HECW1: variants seen among roughly 807,000 people sequenced by gnomAD.
HECW1 encodes HECT, C2 and WW domain containing E3 ubiquitin protein ligase 1, also known as E3 ubiquitin-protein ligase HECW1.
A neutral mutation model predicts 182.3 loss-of-function variants in HECW1; 61 were observed. The ratio of observed to expected loss-of-function variants is 0.33; its 90% CI spans 0.27 to 0.41. The LOEUF (loss-of-function observed/expected upper bound fraction) is 0.41. Ranked by LOEUF, HECW1 falls within the 10% of genes least tolerant of loss-of-function variation. HECW1 has a pLI of 1.00. For missense variants in HECW1, 1,739 were observed against 2,108.9 expected (o/e 0.82, Z 3.44); for synonymous variants, 859 against 832.6 (o/e 1.03, Z -0.55).
chr7:43,473,106 T>G (rs879626059), intron 16 of HECW1, among the ~76,000 whole-genome samples: 14 of 152,152 alleles, frequency 9.2e-5, no homozygotes, highest in Non-Finnish European at 1.5e-4. Context: ...CTCACCTTAT[T>G]AGTTCCCTCT....
chr7:43,274,537 C>T (rs150413563), intron 3 of HECW1: 5 of 562,106 alleles, frequency 8.9e-6, no homozygotes, highest in African/African-American at 1.9e-5. Context: ...CAACAAGTGC[C>T]GCCGGGCCAC....
chr7:43,447,528 A>G (rs1652548475), intron 11 of HECW1, among the ~76,000 whole-genome samples: 1 of 152,200 alleles, frequency 6.6e-6, no homozygotes, highest in African/African-American at 2.4e-5. Context: ...TGGCGATCAC[A>G]AGGGGAAATA....
chr7:43,556,343 G>A (rs11982126), intron 29 of HECW1, among the ~76,000 whole-genome samples: 2,156 of 152,310 alleles, frequency 0.014, 62 homozygotes, highest in African/African-American at 0.049. Flanking sequence ...GATGCCCGGA[G>A]CAACATCACA....
chr7:43,245,108 C>T (rs1224890312), intron 3 of HECW1, among the ~76,000 whole-genome samples: 3 of 152,208 alleles, frequency 2.0e-5, no homozygotes, highest in African/African-American at 7.2e-5. Flanking sequence ...AATACTTAAT[C>T]CTGTGCTGCC....
At chr7:43,113,600 A>G (rs1226798343) in intron 1 of HECW1, 3 of 176,010 alleles carry the variant, frequency 1.7e-5, no homozygotes, top group Non-Finnish European at 3.6e-5. Context: ...CCTGAGTTTT[A>G]GCGGGAGCAG....
intron 2 of HECW1, among the ~76,000 whole-genome samples, chr7:43,138,048 A>C (rs903157301): frequency 6.6e-6 from 1 of 151,600 alleles, no homozygotes; most frequent in African/African-American, 2.4e-5. Context: ...TCTCTCATTT[A>C]TGTGTGTGAT....
intron 3 of HECW1, among the ~76,000 whole-genome samples, chr7:43,291,502 A>G (rs979898994): frequency 2.6e-5 from 4 of 152,266 alleles, no homozygotes; most frequent in Non-Finnish European, 4.4e-5. Flanking sequence ...GTACAAGGAC[A>G]TAGAATGTAC....
At chr7:43,366,220 A>G (rs1427376615) in intron 6 of HECW1, among the ~76,000 whole-genome samples, 1 of 152,180 alleles carries the variant, frequency 6.6e-6, no homozygotes, top group East Asian at 1.9e-4. Flanking sequence ...ATTCTCTTAA[A>G]AAAAAAGGCA....
rs73101386 is a variant in HECW1 at position 43,405,730 on chromosome 7, C to T, written c.632-1832C>T. 1.6e-3 allele frequency among the ~76,000 whole-genome samples: 237 copies of T among 152,308 alleles called. 1 individual carries two copies. The highest frequency in any genetic ancestry group is 2.6e-3 in the Admixed American group (40 of 15,300). On this transcript the variant is annotated intron_variant, in intron 7 of 29. Coordinates refer to ENST00000395891, the MANE Select transcript of HECW1 (RefSeq NM_015052.5). ...AACACTTTAGGCACAGTGAGCCACTCGTACCCGTTCTGGGAAGGTAGGAGC... is the reference window on the plus strand; with the variant it reads ...AACACTTTAGGCACAGTGAGCCACTTGTACCCGTTCTGGGAAGGTAGGAGC...
intron 2 of HECW1, among the ~76,000 whole-genome samples, chr7:43,220,393 A>G (rs1796840564): frequency 1.3e-5 from 2 of 152,170 alleles, no homozygotes; most frequent in African/African-American, 4.8e-5. Context: ...GGAGTTTCAT[A>G]TGAAGGCACA....
chr7:43,514,392 A>T (rs10274221), intron 24 of HECW1, among the ~76,000 whole-genome samples: 1 of 150,882 alleles, frequency 6.6e-6, no homozygotes, highest in Non-Finnish European at 1.5e-5. Flanking sequence ...TGGTTCAAGC[A>T]AGTCTCCTGC....
At chr7:43,233,502 C>A (rs999474891) in intron 2 of HECW1, among the ~76,000 whole-genome samples, 1 of 152,168 alleles carries the variant, frequency 6.6e-6, no homozygotes, top group African/African-American at 2.4e-5. Context: ...GGTGGTGGTG[C>A]AGTCCATTTA....
intron 20 of HECW1, 106 bp downstream of exon 20, chr7:43,500,888 C>T (rs1168916100): frequency 7.8e-6 from 7 of 900,422 alleles, no homozygotes; most frequent in African/African-American, 6.6e-5. Flanking sequence ...ACCGCTTGTT[C>T]TAGAGGATTC....
intron 2 of HECW1, among the ~76,000 whole-genome samples, chr7:43,165,498 A>G (rs1208719271): frequency 1.3e-5 from 2 of 152,194 alleles, no homozygotes; most frequent in African/African-American, 4.8e-5. Flanking sequence ...TCAATCAATT[A>G]TCCGTGAAGG....
chr7:43,175,277 A>G (rs1318597067), intron 2 of HECW1, among the ~76,000 whole-genome samples: 2 of 152,214 alleles, frequency 1.3e-5, no homozygotes, highest in African/African-American at 4.8e-5. Context: ...GAGAACATTC[A>G]GAATCCACTC....
chr7:43,258,075 C>CA (rs544091470), intron 3 of HECW1, among the ~76,000 whole-genome samples: 226 of 152,254 alleles, frequency 1.5e-3, no homozygotes, highest in African/African-American at 5.2e-3. Flanking sequence ...CGTGGTGGCT[C>CA]ACGCCTGTAA....
intron 2 of HECW1, among the ~76,000 whole-genome samples, chr7:43,209,509 A>G (rs1050870989): frequency 6.6e-6 from 1 of 152,088 alleles, no homozygotes; most frequent in African/African-American, 2.4e-5. Flanking sequence ...AGCACTGTCA[A>G]ATTTACAAGA....
intron 2 of HECW1, among the ~76,000 whole-genome samples, chr7:43,238,377 C>G (rs907041813): frequency 7.0e-6 from 1 of 142,916 alleles, no homozygotes; most frequent in African/African-American, 2.9e-5. Flanking sequence ...TGACTTTTCC[C>G]TCTGGTGCTC....
At chr7:43,211,211 G>A (rs1795981185) in intron 2 of HECW1, among the ~76,000 whole-genome samples, 1 of 152,166 alleles carries the variant, frequency 6.6e-6, no homozygotes, top group Admixed American at 6.5e-5. Flanking sequence ...AGTCGGTTTA[G>A]GAAATCCAGC....
Sources: allele counts gnomAD v4.1 joint callset (sites outside exome capture counted in the v4.1 genomes callset), GRCh38; gene constraint gnomAD v4.1.1; transcripts MANE v1.5; gene names NCBI Gene and HGNC (gene_info 2026-07-23, HGNC 2026-07-21).